The following PSMB7 variants were observed in gnomAD, a reference collection of about 807,000 sequenced individuals.
PSMB7 encodes proteasome 20S subunit beta 7.
PSMB7 carries 5 observed loss-of-function variants against 28.1 expected under a neutral mutation model. The observed-to-expected ratio is 0.18, with a 90% CI of 0.09 to 0.37. The LOEUF (loss-of-function observed/expected upper bound fraction) is 0.37, where lower values mean the gene tolerates loss of function less well. PSMB7 is among the 10% of genes least tolerant of loss of function. The probability of loss-of-function intolerance (pLI) is 1.00; values close to 1 mark genes in which losing one functional copy is unlikely to be tolerated. For synonymous variants in PSMB7, 122 were observed against 123.7 expected, an observed-to-expected ratio of 0.99 and a Z score of 0.09; for missense variants, 275 against 346.2, an observed-to-expected ratio of 0.79 and a Z score of 1.63.
chr9:124,399,904 C>A (rs996393430), intron 5 of PSMB7, among the ~76,000 whole-genome samples: 1 of 152,210 alleles, frequency 6.6e-6, no homozygotes, highest in African/African-American at 2.4e-5. Context: ...CTCCTTCTAA[C>A]AAGCGAACCT....
At chr9:124,381,188 T>C (rs144386209) in intron 6 of PSMB7, among the ~76,000 whole-genome samples, 1 of 152,078 alleles carries the variant, frequency 6.6e-6, no homozygotes, top group Non-Finnish European at 1.5e-5. Context: ...ACAAGACAGG[T>C]TTTTAAGGAG....
At chr9:124,413,842 G>A (rs1338934521) in intron 3 of PSMB7, 66 bp downstream of exon 3, 6 of 1,140,980 alleles carry the variant, frequency 5.3e-6, no homozygotes, top group Non-Finnish European at 6.4e-6. Context: ...AGGAGCACAG[G>A]AAGGTCAATT....
intron 7 of PSMB7, among the ~76,000 whole-genome samples, chr9:124,353,910 A>G (rs1830365590): frequency 6.6e-6 from 1 of 152,174 alleles, no homozygotes; most frequent in Admixed American, 6.5e-5. Flanking sequence ...CCTGGGAGGC[A>G]AAGAGTGTCA....
intron 4 of PSMB7, among the ~76,000 whole-genome samples, chr9:124,407,094 G>T (rs1421934963): frequency 1.3e-5 from 2 of 152,218 alleles, no homozygotes; most frequent in Non-Finnish European, 2.9e-5. Flanking sequence ...TGGATTTAAA[G>T]TTCTCCACTG....
At chr9:124,372,197 C>G (rs1830570312) in intron 6 of PSMB7, among the ~76,000 whole-genome samples, 1 of 152,222 alleles carries the variant, frequency 6.6e-6, no homozygotes, top group African/African-American at 2.4e-5. Flanking sequence ...ACACAACAGC[C>G]TCTCTCAGTA....
At chr9:124,400,592 C>T (rs574084232) in intron 5 of PSMB7, among the ~76,000 whole-genome samples, 2 of 152,304 alleles carry the variant, frequency 1.3e-5, no homozygotes, top group East Asian at 1.9e-4. Flanking sequence ...AGCCAGGGTC[C>T]GGCACCAGCT....
chr9:124,392,708 A>G (rs544367992), intron 5 of PSMB7, among the ~76,000 whole-genome samples: 14 of 152,328 alleles, frequency 9.2e-5, no homozygotes, highest in African/African-American at 3.1e-4. Flanking sequence ...TCATGGAAAT[A>G]GAGGTCTTCA....
intron 5 of PSMB7, among the ~76,000 whole-genome samples, chr9:124,389,850 C>T (rs1278889091): frequency 1.3e-5 from 2 of 152,184 alleles, no homozygotes; most frequent in Admixed American, 1.3e-4. Flanking sequence ...TCCCAAGCAC[C>T]AGTTCCACAA....
chr9:124,384,841 CACTT>C (rs1249473713), intron 5 of PSMB7, among the ~76,000 whole-genome samples, 185 bp from the exon 6 acceptor site: 1 of 152,246 alleles, frequency 6.6e-6, no homozygotes, highest in Non-Finnish European at 1.5e-5. Flanking sequence ...CCTGGAGTCA[CACTT>C]ACCACTATCT....
At chr9:124,387,690 G>A (rs1055109215) in intron 5 of PSMB7, among the ~76,000 whole-genome samples, 2 of 152,036 alleles carry the variant, frequency 1.3e-5, no homozygotes, top group South Asian at 2.1e-4. Context: ...GGACTTTGGC[G>A]CCCCCTTTTC....
intron 6 of PSMB7, among the ~76,000 whole-genome samples, chr9:124,376,496 C>T (rs1383891658): frequency 6.6e-6 from 1 of 152,134 alleles, no homozygotes; most frequent in Admixed American, 6.5e-5. Flanking sequence ...CTTTTCTGTT[C>T]CTGGGTTCCC....
rs1240058660 is a variant in PSMB7, at chr9:124,373,130, T to TTG, written c.570+11467_570+11468insCA. Reference sequence around the variant, plus strand: ...CTGGTGCTGGTGGGAACCTTTCACCTTCAACAGAGTTTCTCATCATCATCT... The same window carrying TTG: ...CTGGTGCTGGTGGGAACCTTTCACCTTGTCAACAGAGTTTCTCATCATCATCT... On this transcript the variant is annotated intron_variant, in intron 6 of 7. Coordinates refer to ENST00000259457, the MANE Select transcript of PSMB7 (RefSeq NM_002799.4). 2.0e-5 allele frequency among the ~76,000 whole-genome samples: 3 copies of TTG among 152,338 alleles called. No homozygotes were observed. In the East Asian group the frequency reaches 5.8e-4, roughly 29 times the overall value.
chr9:124,404,410 T>C (rs1434885038), intron 5 of PSMB7, among the ~76,000 whole-genome samples: 2 of 152,236 alleles, frequency 1.3e-5, no homozygotes, highest in Non-Finnish European at 2.9e-5. Flanking sequence ...TTACTTTTTT[T>C]CTTAGTATCA....
intron 4 of PSMB7, among the ~76,000 whole-genome samples, 192 bp downstream of exon 4, chr9:124,412,160 A>G (rs1375748253): frequency 6.6e-6 from 1 of 152,228 alleles, no homozygotes; most frequent in Non-Finnish European, 1.5e-5. Context: ...CTCATGAAAA[A>G]AATCAGGCCC....
At chr9:124,360,994 A>T (rs1288930314) in intron 6 of PSMB7, among the ~76,000 whole-genome samples, 1 of 152,188 alleles carries the variant, frequency 6.6e-6, no homozygotes, top group East Asian at 1.9e-4. Context: ...CCTATACCAA[A>T]CCCCAGGCCA....
chr9:124,413,179 C>T lies in PSMB7; in HGVS notation c.255-687G>A, dbSNP rs968620471. Among the ~76,000 whole-genome samples, 11 of 115,080 alleles carry T rather than the reference C, an allele frequency of 9.6e-5. No individual in the cohort carries two copies. In the South Asian group the frequency reaches 2.5e-3, roughly 26 times the overall value. 75.5% of individuals were successfully genotyped at this position (115,080 alleles called of 152,430 possible). ...AAAAAAAAAAAAAAAAAAAAAAGAA[C>T]GAAAAAAATGTTTAAAAAAAGGAAA... On this transcript the variant is annotated intron_variant, in intron 3 of 7. Transcript: ENST00000259457.
chr9:124,382,918 C>T (rs1039959465), intron 6 of PSMB7, among the ~76,000 whole-genome samples: 7 of 152,084 alleles, frequency 4.6e-5, no homozygotes, highest in African/African-American at 7.2e-5. Flanking sequence ...CTTTAACATA[C>T]GGAAGTCCCA....
chr9:124,391,054 T>C (rs759098748), intron 5 of PSMB7, among the ~76,000 whole-genome samples: 7 of 152,224 alleles, frequency 4.6e-5, no homozygotes, highest in Admixed American at 2.0e-4. Context: ...CGTTTCAGCA[T>C]GGGGCTAGAC....
chr9:124,382,637 A>G (rs1414458630), intron 6 of PSMB7, among the ~76,000 whole-genome samples: 1 of 152,226 alleles, frequency 6.6e-6, no homozygotes, highest in Non-Finnish European at 1.5e-5. Context: ...AAATAAGAAT[A>G]TGGCCAATCT....
Sources: allele counts gnomAD v4.1 joint callset (sites outside exome capture counted in the v4.1 genomes callset), GRCh38; gene constraint gnomAD v4.1.1; transcripts MANE v1.5; gene names NCBI Gene and HGNC (gene_info 2026-07-23, HGNC 2026-07-21).